The following ARHGAP19 variants were observed in gnomAD, a reference collection of about 807,000 sequenced individuals.
The protein encoded by ARHGAP19 is Rho GTPase activating protein 19.
In ARHGAP19, 48 loss-of-function variants were observed where a neutral mutation model predicts 60.9. That is an observed-to-expected ratio of 0.79 (90% CI 0.62 to 1.00). ARHGAP19 has a LOEUF of 1.00. ARHGAP19 is among the 50% of genes least tolerant of loss of function. The pLI is 0.00. For synonymous variants in ARHGAP19, 209 were observed against 215.5 expected, an observed-to-expected ratio of 0.97 and a Z score of 0.27; for missense variants, 562 against 597.2, an observed-to-expected ratio of 0.94 and a Z score of 0.61.
rs1842828224 is a variant in ARHGAP19 at position 97,261,389 on chromosome 10, T to C, written c.614-1761A>G. Among the ~76,000 whole-genome samples the C allele has an allele frequency of 2.0e-5, 3 of 152,332 alleles. No homozygotes were observed. In the South Asian group the frequency reaches 6.2e-4, roughly 32 times the overall value. ...AGGCTACAACTGTGCCACGCCTCAG[T>C]ATGTTCTCAAAGAACAGTCAATCAC... On this transcript the variant is annotated intron_variant, in intron 4 of 11. Coordinates refer to ENST00000358531, the MANE Select transcript of ARHGAP19 (RefSeq NM_032900.6).
At chr10:97,263,747 T>A in intron 3 of ARHGAP19, 118 bp from the exon 4 acceptor site, 1 of 1,074,862 alleles carries the variant, frequency 9.3e-7, no homozygotes, top group Non-Finnish European at 1.3e-6. Flanking sequence ...GCCTTTCAAG[T>A]AAGTTTTTGC....
At chr10:97,265,255 G>A (rs187544255) in intron 2 of ARHGAP19, 61 of 191,382 alleles carry the variant, frequency 3.2e-4, no homozygotes, top group Admixed American at 2.1e-3. Flanking sequence ...TAATCCCAGC[G>A]CTTTGGGAGG....
At chr10:97,271,680 G>GTTAT (rs907092421) in intron 1 of ARHGAP19, among the ~76,000 whole-genome samples, 1 of 152,078 alleles carries the variant, frequency 6.6e-6, no homozygotes, top group Admixed American at 6.6e-5. Context: ...AGTTTGCTAT[G>GTTAT]TTATTTATTT....
intron 1 of ARHGAP19, chr10:97,278,135 A>G (rs1172610481): frequency 6.5e-6 from 1 of 153,338 alleles, no homozygotes; most frequent in Non-Finnish European, 1.5e-5. Flanking sequence ...CTGGAGATTC[A>G]TTCACCTAAC....
intron 1 of ARHGAP19, among the ~76,000 whole-genome samples, chr10:97,272,321 G>A (rs1316650441): frequency 8.6e-5 from 13 of 151,836 alleles, no homozygotes; most frequent in Admixed American, 8.5e-4. Flanking sequence ...TTTTAGTAGA[G>A]ATGGGATTTC....
At chr10:97,256,465 A>G (rs1292801876) in intron 5 of ARHGAP19, 61 bp from the exon 6 acceptor site, 2 of 1,180,552 alleles carry the variant, frequency 1.7e-6, no homozygotes, top group Non-Finnish European at 2.5e-6. Flanking sequence ...GTACTTACCA[A>G]TAAGCCTGTT....
intron 6 of ARHGAP19, among the ~76,000 whole-genome samples, chr10:97,251,383 GA>G (rs1842655836): frequency 5.4e-5 from 1 of 18,410 alleles, no homozygotes; most frequent in African/African-American, 2.3e-4. Flanking sequence ...GAATGGAAGG[GA>G]AGGGGAAGGG....
At chr10:97,285,250 T>C (rs1254460765) in intron 1 of ARHGAP19, among the ~76,000 whole-genome samples, 1 of 152,230 alleles carries the variant, frequency 6.6e-6, no homozygotes, top group Non-Finnish European at 1.5e-5. Context: ...ACAATGCGAA[T>C]GTAGTTAACA....
intron 1 of ARHGAP19, among the ~76,000 whole-genome samples, chr10:97,281,850 G>A (rs1487183682): frequency 6.6e-6 from 1 of 151,964 alleles, no homozygotes. Flanking sequence ...TTAGACAGTG[G>A]GAGAAAAAAA....
At position 97,278,807 on chromosome 10, in the gene ARHGAP19, C is replaced by A. The variant is rs565564465; in HGVS notation, c.57-12682G>T. Among the ~76,000 whole-genome samples the A allele has an allele frequency of 9.9e-3, 375 of 37,696 alleles. 1 individual carries two copies. Among genetic ancestry groups the A allele is most frequent in the Middle Eastern group, 0.031 (2 of 64 alleles). The allele number at this position is 37,696 out of a possible 152,430, so 24.7% of individuals were successfully genotyped here. On this transcript the variant is annotated intron_variant, in intron 1 of 11. Coordinates refer to ENST00000358531, the MANE Select transcript of ARHGAP19 (RefSeq NM_032900.6). ...AGCCATGAATCTGCAAAATTCAAGG[C>A]AGTTAAAAAAAAAAAAAACTGCATC...
chr10:97,244,568 G>A (rs1842535959), intron 7 of ARHGAP19, among the ~76,000 whole-genome samples: 1 of 152,170 alleles, frequency 6.6e-6, no homozygotes, highest in South Asian at 2.1e-4. Flanking sequence ...TAAAGTGACA[G>A]ACCCACCTGG....
chr10:97,238,500 G>A (rs1051699763), intron 8 of ARHGAP19, among the ~76,000 whole-genome samples: 1 of 152,098 alleles, frequency 6.6e-6, no homozygotes, highest in African/African-American at 2.4e-5. Flanking sequence ...TTACAGGAGT[G>A]AGCTACCACG....
chr10:97,225,872 A>G lies in ARHGAP19; in HGVS notation c.*250T>C. 3 of 520,354 alleles carry G rather than the reference A, an allele frequency of 5.8e-6. No individual in the cohort carries two copies. The South Asian group carries it at 8.3e-5, about 14-fold the overall frequency. 32.2% of individuals were successfully genotyped at this position (520,354 alleles called of 1,614,324 possible). ...TTAGTGTGCTGTATAAGCTGGTTGG[A>G]TAGTTAGTGGTTTCCCCATAATATT... On this transcript the variant is annotated 3_prime_UTR_variant, in exon 12 of 12. Coordinates refer to ENST00000358531, the MANE Select transcript of ARHGAP19 (RefSeq NM_032900.6).
intron 4 of ARHGAP19, among the ~76,000 whole-genome samples, chr10:97,261,070 C>T (rs1206740566): frequency 6.6e-6 from 1 of 152,040 alleles, no homozygotes; most frequent in Non-Finnish European, 1.5e-5. Context: ...TATTCACAAG[C>T]TGCTCCTTAT....
rs978203599 is a variant in ARHGAP19, at chr10:97,225,944, G to A, written c.*178C>T. The A allele has an allele frequency of 1.6e-5, 10 of 629,304 alleles. No individual in the cohort carries two copies. The African/African-American group carries it at 1.7e-4, about 10-fold the overall frequency. 39.0% of individuals were successfully genotyped at this position (629,304 alleles called of 1,614,324 possible). A position where few individuals can be genotyped will look rare whatever the true frequency, so the allele number is the denominator to read the frequency against. On this transcript the variant is annotated 3_prime_UTR_variant, in exon 12 of 12. Transcript: ENST00000358531. ...AGCACTCTCTCAGAAGGCACAGCTTGCAAACATCATCCAGTGAGTGGGGTT... is the reference window on the plus strand; with the variant it reads ...AGCACTCTCTCAGAAGGCACAGCTTACAAACATCATCCAGTGAGTGGGGTT...
At chr10:97,287,085 C>T (rs1843166019) in intron 1 of ARHGAP19, among the ~76,000 whole-genome samples, 1 of 152,020 alleles carries the variant, frequency 6.6e-6, no homozygotes, top group Non-Finnish European at 1.5e-5. Context: ...GTAGCTGGGA[C>T]CACAGGCGTG....
chr10:97,280,894 T>G (rs1324969454), intron 1 of ARHGAP19, among the ~76,000 whole-genome samples: 1 of 152,198 alleles, frequency 6.6e-6, no homozygotes, highest in Non-Finnish European at 1.5e-5. Flanking sequence ...CCTACAGACT[T>G]TTAAGTGCCA....
At position 97,263,503 on chromosome 10, in the gene ARHGAP19, G is replaced by C. The variant is rs762449367; in HGVS notation, c.530C>G (p.Ala177Gly). 1.2e-6 allele frequency: 2 copies of C among 1,614,108 alleles called. No individual in the cohort carries two copies. The highest frequency in any genetic ancestry group is 1.7e-6 in the Non-Finnish European group (2 of 1,180,030). The change falls in exon 4 of 12, where the codon GCC becomes GGC. Residue 177 changes from alanine (A) to glycine (G), a missense_variant. By Grantham distance (60) the Ala-to-Gly change is moderately conservative. Coordinates refer to ENST00000358531, the MANE Select transcript of ARHGAP19 (RefSeq NM_032900.6). ...ESGEFHSNDV[A>G]TLLKMFLGEL... The stretch of plus-strand genomic sequence containing the variant: ...TCCTAGAAACATCTTCAGCAAAGTG[G>C]CAACATCATTTGAGTGAAATTCCCC...
chr10:97,239,551 G>A (rs79727395), intron 8 of ARHGAP19, among the ~76,000 whole-genome samples: 1 of 20,218 alleles, frequency 4.9e-5, no homozygotes, highest in East Asian at 1.7e-3. Flanking sequence ...AGAGAGAGAG[G>A]GTGTGTGTGT....
Sources: allele counts gnomAD v4.1 joint callset (sites outside exome capture counted in the v4.1 genomes callset), GRCh38; gene constraint gnomAD v4.1.1; transcripts MANE v1.5; gene names NCBI Gene and HGNC (gene_info 2026-07-23, HGNC 2026-07-21).